RNF125: variants seen among roughly 807,000 people sequenced by gnomAD.
RNF125 encodes E3 ubiquitin-protein ligase RNF125.
In RNF125, 21 loss-of-function variants were observed where a neutral mutation model predicts 26.0. That is an observed-to-expected ratio of 0.81 (90% confidence interval 0.57 to 1.16). The LOEUF (loss-of-function observed/expected upper bound fraction) is 1.16, where lower values mean the gene tolerates loss of function less well. Ranked by LOEUF, RNF125 falls within the 50% of genes most tolerant of loss-of-function variation. The pLI is 0.00. For missense variants in RNF125, 270 were observed against 299.4 expected, an observed-to-expected ratio of 0.90 and a Z score of 0.72; for synonymous variants, 95 against 109.2, an observed-to-expected ratio of 0.87 and a Z score of 0.81.
chr18:32,025,940 G>T (rs944921076), intron 1 of RNF125, among the ~76,000 whole-genome samples: 7 of 151,644 alleles, frequency 4.6e-5, no homozygotes, highest in African/African-American at 1.7e-4. Flanking sequence ...AGGAGTCTGA[G>T]GAACAAAAAA....
intron 1 of RNF125, among the ~76,000 whole-genome samples, chr18:32,034,900 CAAA>C (rs10674977): frequency 8.8e-6 from 1 of 113,738 alleles, no homozygotes; most frequent in African/African-American, 3.3e-5. Flanking sequence ...AACTCCATCT[CAAA>C]AAAAAAAAAA....
At chr18:32,061,246 G>C (rs183852030) in intron 4 of RNF125, among the ~76,000 whole-genome samples, 1 of 152,058 alleles carries the variant, frequency 6.6e-6, no homozygotes, top group African/African-American at 2.4e-5. Context: ...GGATGGTGTC[G>C]ATCTCCTGAC....
downstream of RNF125, among the ~76,000 whole-genome samples, chr18:32,074,308 G>A (rs1044907010): frequency 1.3e-5 from 2 of 152,182 alleles, no homozygotes; most frequent in African/African-American, 4.8e-5. Flanking sequence ...ATGGCCATAT[G>A]TAATGTCAAG....
chr18:32,019,160 C>T (rs2038961417), intron 1 of RNF125, 133 bp downstream of exon 1: 3 of 1,067,054 alleles, frequency 2.8e-6, no homozygotes, highest in Non-Finnish European at 2.7e-6. Context: ...AAACCTGGAC[C>T]CGTCGGATGC....
the RNF125 span, among the ~76,000 whole-genome samples, chr18:32,089,676 C>A: frequency 6.6e-6 from 1 of 152,106 alleles, no homozygotes; most frequent in Admixed American, 6.5e-5. Flanking sequence ...TTTCTTATGT[C>A]CAAGTTTTTG....
At chr18:32,090,465 TACAAAATATA>T in the RNF125 span, among the ~76,000 whole-genome samples, 1 of 152,108 alleles carries the variant, frequency 6.6e-6, no homozygotes, top group Non-Finnish European at 1.5e-5. Flanking sequence ...GCAACAAAAA[TACAAAATATA>T]GTTTGGTAGA....
chr18:32,088,883 A>G, the RNF125 span, among the ~76,000 whole-genome samples: 1 of 152,136 alleles, frequency 6.6e-6, no homozygotes. Context: ...AGACTGTAGG[A>G]GAAGAAACAA....
chr18:32,041,183 A>T (rs1166358928), intron 2 of RNF125, among the ~76,000 whole-genome samples: 1 of 152,196 alleles, frequency 6.6e-6, no homozygotes, highest in Non-Finnish European at 1.5e-5. Flanking sequence ...TTAGCAACAG[A>T]TCCCTCATGG....
rs2039166193 is a variant in RNF125 at position 32,037,270 on chromosome 18, G to C, written c.318+1G>C. 1.3e-6 allele frequency: 2 copies of C among 1,552,430 alleles called. No individual in the cohort carries two copies. Among genetic ancestry groups the C allele is most frequent in the East Asian group, 2.5e-5 (1 of 40,214 alleles). On this transcript the variant is annotated splice_donor_variant, in intron 2 of 5. Transcript: ENST00000217740. LOFTEE classifies it high-confidence loss of function. ...GAACTGCGCTGAGTGTGACACCCTG[G>C]TATGTATGTGACCCCACCTATTTTC...
At chr18:32,028,480 C>G (rs1206192325) in intron 1 of RNF125, among the ~76,000 whole-genome samples, 1 of 151,894 alleles carries the variant, frequency 6.6e-6, no homozygotes, top group Non-Finnish European at 1.5e-5. Flanking sequence ...CTTTTCTCTC[C>G]CCCACAACAT....
At chr18:32,083,913 A>T in the RNF125 span, among the ~76,000 whole-genome samples, 1 of 152,100 alleles carries the variant, frequency 6.6e-6, no homozygotes, top group Non-Finnish European at 1.5e-5. Flanking sequence ...CGAAAAAAAA[A>T]ATGTGGAGTA....
At chr18:32,081,180 T>G in the RNF125 span, among the ~76,000 whole-genome samples, 3 of 120,644 alleles carry the variant, frequency 2.5e-5, no homozygotes, top group South Asian at 5.0e-4. Flanking sequence ...GGCAACAGAG[T>G]GAGACTACAT....
chr18:32,054,815 G>A (rs1357436487), intron 4 of RNF125, among the ~76,000 whole-genome samples: 1 of 152,108 alleles, frequency 6.6e-6, no homozygotes, highest in African/African-American at 2.4e-5. Flanking sequence ...GTTATGCTAG[G>A]TCTAGGCATA....
chr18:32,086,240 A>G, the RNF125 span, among the ~76,000 whole-genome samples: 1 of 148,406 alleles, frequency 6.7e-6, no homozygotes. Flanking sequence ...TTTTTTTAAG[A>G]GACAAGCTCT....
chr18:32,063,982 T>TA (rs1441077715), intron 4 of RNF125, among the ~76,000 whole-genome samples: 1 of 151,462 alleles, frequency 6.6e-6, no homozygotes, highest in African/African-American at 2.4e-5. Flanking sequence ...TTTTTTTTTT[T>TA]AATCCATCAA....
chr18:32,026,543 G>A (rs1352259406), intron 1 of RNF125, among the ~76,000 whole-genome samples: 1 of 151,994 alleles, frequency 6.6e-6, no homozygotes, highest in Non-Finnish European at 1.5e-5. Context: ...CCCAGCCTGA[G>A]CACCCAGTCT....
intron 1 of RNF125, among the ~76,000 whole-genome samples, chr18:32,022,636 A>T (rs2038996032): frequency 1.3e-5 from 2 of 152,184 alleles, no homozygotes; most frequent in Non-Finnish European, 2.9e-5. Flanking sequence ...TGGGGCAAAG[A>T]TGGTCTAGTT....
chr18:32,064,409 T>C (rs1568208881), intron 4 of RNF125, among the ~76,000 whole-genome samples: 6 of 138,352 alleles, frequency 4.3e-5, no homozygotes, highest in African/African-American at 1.6e-4. Flanking sequence ...TTTTTTTTTT[T>C]TTTTTTTTTT....
intron 4 of RNF125, 69 bp downstream of exon 4, chr18:32,045,801 A>T: frequency 2.1e-6 from 2 of 953,426 alleles, no homozygotes; most frequent in South Asian, 1.4e-5. Flanking sequence ...TCCATTTAAT[A>T]GATTTATATT....
Sources: allele counts gnomAD v4.1 joint callset (sites outside exome capture counted in the v4.1 genomes callset), GRCh38; gene constraint gnomAD v4.1.1; transcripts MANE v1.5; gene names NCBI Gene and HGNC (gene_info 2026-07-23, HGNC 2026-07-21).